Variants in HELQ observed in about 807,000 individuals in gnomAD.
HELQ encodes the protein helicase, POLQ like.
HELQ carries 77 observed loss-of-function variants against 111.6 expected under a neutral mutation model. That is an observed-to-expected ratio of 0.69 (90% confidence interval 0.57 to 0.83). HELQ has a LOEUF of 0.83. Among genes scored for constraint, HELQ ranks in the 40% least tolerant of loss-of-function variants. The pLI, the probability that HELQ is intolerant of heterozygous loss-of-function variation, is 0.00. For missense variants in HELQ, 1,200 were observed against 1,288.5 expected (o/e 0.93, Z 1.05); for synonymous variants, 438 against 454.7 (o/e 0.96, Z 0.47).
chr4:83,410,948 C>T (rs536088232), intron 17 of HELQ, among the ~76,000 whole-genome samples: 14 of 149,202 alleles, frequency 9.4e-5, no homozygotes, highest in African/African-American at 3.2e-4. Flanking sequence ...CCCAGGAGTT[C>T]GAGACCAAAC....
intron 11 of HELQ, among the ~76,000 whole-genome samples, chr4:83,430,310 G>A (rs1720073202): frequency 8.3e-6 from 1 of 120,828 alleles, no homozygotes; most frequent in African/African-American, 3.1e-5. Context: ...ATTAAAAAAA[G>A]AACTGAAAAA....
intron 2 of HELQ, among the ~76,000 whole-genome samples, chr4:83,450,222 TAAAAAAAAAAAAAA>T (rs71668650): frequency 0.063 from 2,859 of 45,698 alleles, 155 homozygotes; most frequent in African/African-American, 0.13. Context: ...CAGTTAAGTT[TAAAAAAAAAAAAAA>T]AAAAAAAAAA....
intron 9 of HELQ, among the ~76,000 whole-genome samples, chr4:83,435,949 G>T (rs1474263384): frequency 1.4e-5 from 2 of 143,676 alleles, no homozygotes; most frequent in African/African-American, 2.6e-5. Flanking sequence ...GAAAATAAAA[G>T]AATGGAAAAA....
At position 83,446,076 on chromosome 4, in the gene HELQ, A is replaced by G; in HGVS notation, c.1403T>C (p.Ile468Thr). ...GLVVVDELHMIGEGSRGATLE... is the reference protein window; with the variant it reads ...GLVVVDELHMTGEGSRGATLE... ...TGTAGCTCCACGGCTTCCTTCACCA[A>G]TCATGTGCAACTTCGAGATTTTTTT... The change falls in exon 5 of 18, where the codon ATT becomes ACT. Residue 468 changes from isoleucine to threonine, a missense_variant. By Grantham distance (89) the Ile-to-Thr change is moderately conservative. Coordinates refer to ENST00000295488, the MANE Select transcript of HELQ (RefSeq NM_133636.5). The G allele has an allele frequency of 6.2e-7, 1 of 1,613,014 alleles. No homozygotes were observed.
chr4:83,422,345 C>G (rs1170761230), intron 14 of HELQ, among the ~76,000 whole-genome samples: 3 of 152,164 alleles, frequency 2.0e-5, no homozygotes, highest in African/African-American at 4.8e-5. Flanking sequence ...AAGAAATGTA[C>G]AAATCCTAAC....
intron 15 of HELQ, among the ~76,000 whole-genome samples, chr4:83,421,322 C>T (rs574125083): frequency 6.6e-6 from 1 of 152,164 alleles, no homozygotes; most frequent in South Asian, 2.1e-4. Flanking sequence ...CAAAAAGACA[C>T]TTTTCATTAT....
At position 83,429,738 on chromosome 4, in the gene HELQ, C is replaced by T; in HGVS notation, c.2304G>A (p.Thr768=). The change falls in exon 12 of 18, where the codon ACG becomes ACA. Residue 768 remains threonine, a synonymous_variant. Coordinates refer to ENST00000295488, the MANE Select transcript of HELQ (RefSeq NM_133636.5). ...TGAAATGATAGATGTCATCAAGATT[C>T]GTTGCAATCTGAAACAATTCAGGAT... ...FLSLIGLKIA[T]NLDDIYHFMN... is the part of the protein sequence containing the mutation. 9 of 1,607,930 alleles carry T rather than the reference C, an allele frequency of 5.6e-6. No individual in the cohort carries two copies. The highest frequency in any genetic ancestry group is 3.3e-4 in the Middle Eastern group (2 of 6,040).
At chr4:83,420,123 T>TA (rs1191170922) in intron 15 of HELQ, among the ~76,000 whole-genome samples, 2 of 152,102 alleles carry the variant, frequency 1.3e-5, no homozygotes, top group African/African-American at 2.4e-5. Context: ...TATAAACACA[T>TA]AAAAAAAGTA....
chr4:83,414,345 C>T (rs571947841), intron 17 of HELQ, among the ~76,000 whole-genome samples: 1 of 152,158 alleles, frequency 6.6e-6, no homozygotes, highest in Non-Finnish European at 1.5e-5. Flanking sequence ...GCAATGAAGT[C>T]CGGATCCCAT....
At chr4:83,446,739 GAGGTACTA>G (rs1339355156) in intron 4 of HELQ, 88 bp downstream of exon 4, 6 of 659,398 alleles carry the variant, frequency 9.1e-6, no homozygotes, top group Non-Finnish European at 1.0e-5. Flanking sequence ...TATTTTTATA[GAGGTACTA>G]AGGTACTAAG....
chr4:83,444,515 G>A (rs1335787418), intron 5 of HELQ, among the ~76,000 whole-genome samples: 1 of 152,120 alleles, frequency 6.6e-6, no homozygotes, highest in East Asian at 1.9e-4. Context: ...CCGAGTAGTT[G>A]GGACTATAGT....
At chr4:83,433,161 C>T (rs1394065108) in intron 9 of HELQ, among the ~76,000 whole-genome samples, 1 of 151,990 alleles carries the variant, frequency 6.6e-6, no homozygotes, top group African/African-American at 2.4e-5. Flanking sequence ...TATTGTTTAC[C>T]TATACTAGTC....
In HELQ at chr4:83,454,513, G is replaced by A. The variant is rs1328679640; in HGVS notation, c.298-568C>T. 3.3e-5 allele frequency among the ~76,000 whole-genome samples: 5 copies of A among 151,886 alleles called. 1 individual carries two copies. The South Asian group carries it at 8.3e-4, about 25-fold the overall frequency. ...CAGTCTTGACATCCTGGGCTCAAGC[G>A]ATCCTCCTGCCTCAGCCTCCCAAGT... On this transcript the variant is annotated intron_variant, in intron 1 of 17. Coordinates refer to ENST00000295488, the MANE Select transcript of HELQ (RefSeq NM_133636.5).
rs551755187 is a variant in HELQ at position 83,407,580 on chromosome 4, C to A, written c.3199-20G>T. On this transcript the variant is annotated intron_variant, in intron 17 of 17. Transcript: ENST00000295488. ...CAGCATCTACATTAAAAAATTAAGACGTGAGGCCAAAATATGCATTGCTAG... is the reference window on the plus strand; with the variant it reads ...CAGCATCTACATTAAAAAATTAAGAAGTGAGGCCAAAATATGCATTGCTAG... 6.5e-7 allele frequency: 1 copy of A among 1,532,604 alleles called. No homozygotes were observed. The highest frequency in any genetic ancestry group is 1.7e-5 in the Admixed American group (1 of 58,346). The allele number at this position is 1,532,604 out of a possible 1,614,324, so 94.9% of individuals were successfully genotyped here. A position where few individuals can be genotyped will look rare whatever the true frequency, so the allele number is the denominator to read the frequency against.
rs369369955 is a variant in HELQ, at chr4:83,407,544, T to C, written c.3215A>G (p.Lys1072Arg). ...VSSAKMLLHE[K>R]AEALQEEVEE... The stretch of plus-strand genomic sequence containing the variant: ...TACCTCTTCTTGCAGGGCTTCTGCT[T>C]TTTCATGCAACAGCATCTACATTAA... Residue 1072 changes from lysine to arginine, a missense_variant, in exon 18 of 18, where the codon AAA (lysine) becomes AGA (arginine). Lys to Arg is a conservative substitution (Grantham distance 26). This residue lies in a region of HELQ where 585 missense variants were observed against 665.3 expected (regional missense o/e 0.88). Transcript: ENST00000295488. 1.1e-5 allele frequency: 18 copies of C among 1,610,666 alleles called. No homozygotes were observed. In the African/African-American group the frequency reaches 2.0e-4, roughly 18 times the overall value.
chr4:83,440,294 T>C (rs973393379), intron 7 of HELQ, among the ~76,000 whole-genome samples: 2 of 152,126 alleles, frequency 1.3e-5, no homozygotes, highest in African/African-American at 2.4e-5. Context: ...AAATAGTTAA[T>C]GTTATTAATA....
intron 4 of HELQ, 65 bp from the exon 5 acceptor site, chr4:83,446,151 CAT>C: frequency 2.9e-6 from 3 of 1,035,878 alleles, no homozygotes; most frequent in Non-Finnish European, 4.5e-6. Flanking sequence ...ATAAAACATG[CAT>C]ATATTCATAT....
chr4:83,424,251 A>G (rs951853634), intron 14 of HELQ, among the ~76,000 whole-genome samples: 3 of 152,204 alleles, frequency 2.0e-5, no homozygotes, highest in African/African-American at 7.2e-5. Flanking sequence ...TTATTTGATA[A>G]TTAGTTCCAA....
chr4:83,455,233 T>G, intron 1 of HELQ, 164 bp downstream of exon 1: 2 of 1,386,690 alleles, frequency 1.4e-6, no homozygotes, highest in Non-Finnish European at 1.9e-6. Flanking sequence ...ACATTTCATA[T>G]TTATATAGAA....
Sources: gnomAD v4.1 joint callset for allele counts (sites outside exome capture counted in the v4.1 genomes callset) on GRCh38, gnomAD v4.1.1 for gene constraint, gnomAD v4.1.1 regional missense constraint, MANE v1.5 for transcripts, NCBI Gene and HGNC (gene_info 2026-07-23, HGNC 2026-07-21) for gene names.